Variants in RPS6KA1 observed in about 807,000 individuals in gnomAD.
The protein encoded by RPS6KA1 is ribosomal protein S6 kinase alpha-1.
In RPS6KA1, 48 loss-of-function variants were observed where a neutral mutation model predicts 91.3. That is an observed-to-expected ratio of 0.53 (90% CI 0.42 to 0.67). The LOEUF (loss-of-function observed/expected upper bound fraction) is 0.67, where lower values mean the gene tolerates loss of function less well. RPS6KA1 is among the 30% of genes least tolerant of loss of function. The probability of loss-of-function intolerance (pLI) is 0.00; values close to 1 mark genes in which losing one functional copy is unlikely to be tolerated. For synonymous variants in RPS6KA1, 359 were observed against 384.7 expected (o/e 0.93, Z 0.78); for missense variants, 719 against 960.5 (o/e 0.75, Z 3.32).
chr1:26,574,131 A>C lies in RPS6KA1; in HGVS notation c.2138A>C (p.Gln713Pro), dbSNP rs2076275800. The C allele has an allele frequency of 6.2e-7, 1 of 1,614,076 alleles. No individual in the cohort carries two copies. Among genetic ancestry groups the C allele is most frequent in the Non-Finnish European group, 8.5e-7 (1 of 1,179,994 alleles). The part of the protein sequence containing the change: ...SALNSSKPTP[Q>P]LKPIESSILA... The stretch of plus-strand genomic sequence containing the variant: ...CTCAACAGCTCCAAGCCCACCCCCC[A>C]GCTGAAGCCCATCGAGTCATCCATC... The change falls in exon 22 of 22, where the codon CAG becomes CCG. Residue 713 changes from glutamine to proline, a missense_variant. This residue lies in a region of RPS6KA1 where 249 missense variants were observed against 323.1 expected (regional missense o/e 0.77). Transcript: ENST00000374168. This position sits in a 1 kb window ranked among gnomAD's most constrained non-coding sequence, Gnocchi z 4.3.
At chr1:26,541,598 T>C (rs2075948619) in intron 2 of RPS6KA1, among the ~76,000 whole-genome samples, 1 of 152,112 alleles carries the variant, frequency 6.6e-6, no homozygotes, top group Non-Finnish European at 1.5e-5. Flanking sequence ...GCTCAATCAG[T>C]AGGAGGCACA....
Position 26,571,944 on chromosome 1 carries a change from G to A in RPS6KA1, c.1829+19G>A, listed in dbSNP as rs758939695. On this transcript the variant is annotated intron_variant, in intron 19 of 21. Transcript: ENST00000374168. This position sits in a 1 kb window ranked among gnomAD's most constrained non-coding sequence, Gnocchi z 5.1. ...TGGCAGGGTGAGTGCCCCTGGCCTG[G>A]ACCCTTCCCCACTCCTGCAGCCCTA... 6.2e-7 allele frequency: 1 copy of A among 1,607,052 alleles called. No homozygotes were observed. Among genetic ancestry groups the A allele is most frequent in the Non-Finnish European group, 8.5e-7 (1 of 1,176,798 alleles).
In RPS6KA1 at chr1:26,571,718, C is replaced by T; in HGVS notation, c.1752+108C>T. ...GGGACTCCAGTCTCTGTGACCTTGG[C>T]CCAGCTGGCAAGGGAAGATCTAGCC... is the stretch of plus-strand genomic sequence containing the variant. On this transcript the variant is annotated intron_variant, in intron 18 of 21. Coordinates refer to ENST00000374168, the MANE Select transcript of RPS6KA1 (RefSeq NM_002953.4). This position sits in a 1 kb window ranked among gnomAD's most constrained non-coding sequence, Gnocchi z 5.1. 6.7e-7 allele frequency: 1 copy of T among 1,495,534 alleles called. No homozygotes were observed. The highest frequency in any genetic ancestry group is 9.1e-7 in the Non-Finnish European group (1 of 1,103,646). The allele number at this position is 1,495,534 out of a possible 1,614,324, so 92.6% of individuals were successfully genotyped here.
rs142081450 is a variant in RPS6KA1 at position 26,553,664 on chromosome 1, C to G, written c.575+167C>G. On this transcript the variant is annotated intron_variant, in intron 7 of 21. Coordinates refer to ENST00000374168, the MANE Select transcript of RPS6KA1 (RefSeq NM_002953.4). ...GGTGGTAGTGCCAGCTGCCCAGTCACTAATGCTACCATTACCAAGGGCCAG... is the reference window on the plus strand; with the variant it reads ...GGTGGTAGTGCCAGCTGCCCAGTCAGTAATGCTACCATTACCAAGGGCCAG... The G allele has an allele frequency of 5.8e-4, 262 of 449,954 alleles. 1 individual carries two copies. Among genetic ancestry groups the G allele is most frequent in the African/African-American group, 4.7e-3 (238 of 50,178 alleles). The allele number at this position is 449,954 out of a possible 1,614,324, so 27.9% of individuals were successfully genotyped here.
chr1:26,534,912 G>C (rs1392887161), intron 1 of RPS6KA1, among the ~76,000 whole-genome samples: 1 of 152,194 alleles, frequency 6.6e-6, no homozygotes, highest in African/African-American at 2.4e-5. Flanking sequence ...GCCACAGAGG[G>C]GTTTGGGGCC....
chr1:26,541,101 A>T (rs1481781055), intron 2 of RPS6KA1, among the ~76,000 whole-genome samples: 1 of 152,026 alleles, frequency 6.6e-6, no homozygotes, highest in East Asian at 1.9e-4. Context: ...TCTACAAAAA[A>T]TTTTTTAAAA....
At position 26,551,620 on chromosome 1, in the gene RPS6KA1, C is replaced by G; in HGVS notation, c.389-24C>G. 2 of 1,611,160 alleles carry G rather than the reference C, an allele frequency of 1.2e-6. No homozygotes were observed. The highest frequency in any genetic ancestry group is 1.3e-5 in the African/African-American group (1 of 75,004). On this transcript the variant is annotated intron_variant, in intron 5 of 21. Coordinates refer to ENST00000374168, the MANE Select transcript of RPS6KA1 (RefSeq NM_002953.4). This position sits in a 1 kb window ranked among gnomAD's most constrained non-coding sequence, Gnocchi z 4.5. ...GATCATAAGGCCGCGCCGACTCTACCATTGCCTTTCTCCCTCTTCCCAGCC... is the reference window on the plus strand; with the variant it reads ...GATCATAAGGCCGCGCCGACTCTACGATTGCCTTTCTCCCTCTTCCCAGCC...
intron 2 of RPS6KA1, 113 bp from the exon 3 acceptor site, chr1:26,546,754 A>AT: frequency 1.3e-6 from 1 of 750,320 alleles, no homozygotes; most frequent in South Asian, 1.6e-5. Context: ...GAAGTCGTCT[A>AT]TTGGGCCTTT....
chr1:26,560,735 G>T lies in RPS6KA1; in HGVS notation c.1225G>T (p.Gly409Trp), dbSNP rs1358900755. ...TTTTGGTCTCCTACAGCAACTCCAT[G>T]GGAAGAACCTGGTTTTTAGTGACGG... is the stretch of plus-strand genomic sequence containing the variant. Reference protein sequence around the residue: ...PLHSVVQQLHGKNLVFSDGYV... With the variant: ...PLHSVVQQLHWKNLVFSDGYV... The change falls in exon 15 of 22, where the codon GGG becomes TGG. Residue 409 changes from glycine to tryptophan, a missense_variant. Physicochemically the swap from Gly to Trp is radical, Grantham distance 184. Transcript: ENST00000374168. The T allele has an allele frequency of 6.2e-7, 1 of 1,614,038 alleles. No individual in the cohort carries two copies. The highest frequency in any genetic ancestry group is 8.5e-7 in the Non-Finnish European group (1 of 1,180,034).
At position 26,561,904 on chromosome 1, in the gene RPS6KA1, A is replaced by G. The variant is rs1316848040; in HGVS notation, c.1590+241A>G. On this transcript the variant is annotated intron_variant, in intron 17 of 21. Transcript: ENST00000374168. This position sits in a 1 kb window ranked among gnomAD's most constrained non-coding sequence, Gnocchi z 5.7. ...GCCAGGCACCATGGTAAGGTTTAGCATAAGATGAAGTTTCCAGACCAGGCA... is the reference window on the plus strand; with the variant it reads ...GCCAGGCACCATGGTAAGGTTTAGCGTAAGATGAAGTTTCCAGACCAGGCA... 6.6e-6 allele frequency among the ~76,000 whole-genome samples: 1 copy of G among 152,114 alleles called. No individual in the cohort carries two copies. The highest frequency in any genetic ancestry group is 1.5e-5 in the Non-Finnish European group (1 of 68,006).
At position 26,546,872 on chromosome 1, in the gene RPS6KA1, G is replaced by A. The variant is rs753330170; in HGVS notation, c.114G>A (p.Glu38=). Reference sequence around the variant, plus strand: ...CAGCTCTGTCCCTCCATCAGGATGAGGGCGTCCTCAAGGAGATCTCCATCA... The same window carrying A: ...CAGCTCTGTCCCTCCATCAGGATGAAGGCGTCCTCAAGGAGATCTCCATCA... ...EEAGLQPSKD[E]GVLKEISITH... Residue 38 remains glutamate (E), a synonymous_variant, in exon 3 of 22, where the codon GAG becomes GAA. Transcript: ENST00000374168. 1.2e-6 allele frequency: 2 copies of A among 1,613,792 alleles called. No homozygotes were observed. The highest frequency in any genetic ancestry group is 1.1e-5 in the South Asian group (1 of 91,052).
intron 6 of RPS6KA1, chr1:26,552,725 G>T (rs1353777093): frequency 4.2e-6 from 1 of 240,490 alleles, no homozygotes; most frequent in East Asian, 1.6e-4. Context: ...GACCTCGGGT[G>T]ATCCGCCTGC....
chr1:26,551,115 G>A lies in RPS6KA1; in HGVS notation c.308-282G>A, dbSNP rs1224874346. 1.3e-5 allele frequency among the ~76,000 whole-genome samples: 2 copies of A among 152,168 alleles called. No individual in the cohort carries two copies. The highest frequency in any genetic ancestry group is 2.9e-5 in the Non-Finnish European group (2 of 68,028). On this transcript the variant is annotated intron_variant, in intron 4 of 21. Coordinates refer to ENST00000374168, the MANE Select transcript of RPS6KA1 (RefSeq NM_002953.4). The surrounding 1 kb of genome is among the most constrained non-coding windows in gnomAD (Gnocchi z 4.5). ...TCAGACTGGCTGATTAACAGGTCTT[G>A]ATGGGGTCTGGTGGGAAAAGGGACC...
At chr1:26,534,036 G>C (rs2075888389) in intron 1 of RPS6KA1, among the ~76,000 whole-genome samples, 1 of 152,208 alleles carries the variant, frequency 6.6e-6, no homozygotes, top group Non-Finnish European at 1.5e-5. Flanking sequence ...GACTGCCTTA[G>C]AGCGGGGGGT....
At chr1:26,541,496 A>T (rs2075947499) in intron 2 of RPS6KA1, among the ~76,000 whole-genome samples, 1 of 152,074 alleles carries the variant, frequency 6.6e-6, no homozygotes. Flanking sequence ...CGGAGGTTGC[A>T]GTGAGCTGAG....
chr1:26,556,047 G>C (rs1000570911), intron 11 of RPS6KA1: 3 of 233,132 alleles, frequency 1.3e-5, no homozygotes, highest in African/African-American at 6.7e-5. Flanking sequence ...GTGACCCCAG[G>C]CAGGTGACTT....
intron 2 of RPS6KA1, chr1:26,546,127 G>A (rs1231262723): frequency 6.9e-7 from 1 of 1,456,120 alleles, no homozygotes. Context: ...GCTTTGGGCT[G>A]TCCTGGCCCA....
At chr1:26,569,325 A>G (rs996376361) in intron 17 of RPS6KA1, among the ~76,000 whole-genome samples, 12 of 152,178 alleles carry the variant, frequency 7.9e-5, no homozygotes, top group Non-Finnish European at 1.6e-4. Context: ...TCACTTGTGC[A>G]GGGTAGTTGG....
intron 1 of RPS6KA1, among the ~76,000 whole-genome samples, chr1:26,531,856 G>A (rs922647759): frequency 5.7e-4 from 87 of 152,312 alleles, no homozygotes; most frequent in African/African-American, 2.0e-3. Flanking sequence ...TCCTGGAGGT[G>A]CCAGGCGACT....
Sources: allele counts gnomAD v4.1 joint callset (sites outside exome capture counted in the v4.1 genomes callset), GRCh38; gene constraint gnomAD v4.1.1; regional missense constraint gnomAD v4.1.1; non-coding constraint Gnocchi (gnomAD v3.1); transcripts MANE v1.5; gene names NCBI Gene and HGNC (gene_info 2026-07-23, HGNC 2026-07-21).